Variants in SCHIP1 observed in about 807,000 individuals in gnomAD.
SCHIP1 encodes the protein schwannomin-interacting protein 1.
SCHIP1 carries 8 observed loss-of-function variants against 29.7 expected under a neutral mutation model. The ratio of observed to expected loss-of-function variants is 0.27; its 90% CI spans 0.16 to 0.49. SCHIP1 has a LOEUF of 0.49. Among genes scored for constraint, SCHIP1 ranks in the 20% least tolerant of loss-of-function variants. The pLI is 0.99. For missense variants in SCHIP1, 193 were observed against 294.6 expected, an observed-to-expected ratio of 0.66 and a Z score of 2.52; for synonymous variants, 76 against 94.9, an observed-to-expected ratio of 0.80 and a Z score of 1.16.
At chr3:159,792,274 G>A in the SCHIP1 span, among the ~76,000 whole-genome samples, 19 of 152,180 alleles carry the variant, frequency 1.2e-4, no homozygotes, top group Admixed American at 7.9e-4. Context: ...AGACTCAGGC[G>A]GTGTGGAAGA....
the SCHIP1 span, among the ~76,000 whole-genome samples, chr3:159,621,158 G>A: frequency 2.6e-5 from 4 of 152,256 alleles, no homozygotes; most frequent in East Asian, 1.9e-4. Flanking sequence ...GTGTGCTCCC[G>A]TGTTCACCTA....
chr3:159,871,079 C>T (rs940790766), intron 2 of SCHIP1, among the ~76,000 whole-genome samples: 1 of 151,946 alleles, frequency 6.6e-6, no homozygotes, highest in African/African-American at 2.4e-5. Context: ...ATGATGTTTT[C>T]TCATTTCTCT....
chr3:159,377,494 G>T, the SCHIP1 span, among the ~76,000 whole-genome samples: 9 of 152,312 alleles, frequency 5.9e-5, 1 homozygote, highest in African/African-American at 2.2e-4. Context: ...AGAGGCCATG[G>T]AGAATCTATT....
the SCHIP1 span, among the ~76,000 whole-genome samples, chr3:159,632,260 C>CT: frequency 6.6e-6 from 1 of 152,186 alleles, no homozygotes; most frequent in African/African-American, 2.4e-5. Context: ...TAGCTCTGCG[C>CT]TGCAGCCCCA....
the SCHIP1 span, among the ~76,000 whole-genome samples, chr3:159,467,691 G>A: frequency 2.6e-5 from 4 of 152,032 alleles, no homozygotes; most frequent in Non-Finnish European, 5.9e-5. Flanking sequence ...ATCAAATTGA[G>A]GTGTTTTTAT....
the SCHIP1 span, among the ~76,000 whole-genome samples, chr3:159,600,497 T>C: frequency 6.6e-6 from 1 of 152,216 alleles, no homozygotes; most frequent in South Asian, 2.1e-4. Flanking sequence ...CAAATGTATT[T>C]TGCATTTCCT....
At chr3:159,393,087 G>C in the SCHIP1 span, among the ~76,000 whole-genome samples, 2 of 152,180 alleles carry the variant, frequency 1.3e-5, no homozygotes, top group Admixed American at 6.5e-5. Context: ...TTTTTCATGT[G>C]TCTTTTGGCT....
the SCHIP1 span, among the ~76,000 whole-genome samples, chr3:159,388,215 C>T: frequency 6.6e-6 from 1 of 152,076 alleles, no homozygotes; most frequent in East Asian, 1.9e-4. Flanking sequence ...AGACTATCAA[C>T]TGCAAAACTT....
chr3:159,276,363 A>G, the SCHIP1 span, among the ~76,000 whole-genome samples: 3 of 152,174 alleles, frequency 2.0e-5, no homozygotes, highest in Non-Finnish European at 2.9e-5. Flanking sequence ...ATGCTGATTG[A>G]TTCCAAATGG....
chr3:159,726,246 G>A, the SCHIP1 span, among the ~76,000 whole-genome samples: 1 of 152,170 alleles, frequency 6.6e-6, no homozygotes, highest in Admixed American at 6.5e-5. Flanking sequence ...AAAATCAACT[G>A]TTAGTAGGAC....
the SCHIP1 span, among the ~76,000 whole-genome samples, chr3:159,301,318 A>G: frequency 0.021 from 3,134 of 152,274 alleles, 99 homozygotes; most frequent in African/African-American, 0.071. Flanking sequence ...CCATGCTCCT[A>G]ACTGTTACTC....
the SCHIP1 span, among the ~76,000 whole-genome samples, chr3:159,433,572 A>G: frequency 6.6e-6 from 1 of 152,192 alleles, no homozygotes; most frequent in East Asian, 1.9e-4. Flanking sequence ...TGATTAAAAT[A>G]TGGTCTTTGG....
At chr3:159,885,710 TAAAGA>T (rs1243365569) in intron 2 of SCHIP1, among the ~76,000 whole-genome samples, 2 of 152,234 alleles carry the variant, frequency 1.3e-5, no homozygotes. Flanking sequence ...GCAACTGCCT[TAAAGA>T]TTTCCTTCAG....
chr3:159,795,753 C>T, the SCHIP1 span, among the ~76,000 whole-genome samples: 1 of 152,082 alleles, frequency 6.6e-6, no homozygotes, highest in Non-Finnish European at 1.5e-5. Flanking sequence ...GGAGATATTC[C>T]AGGCAGAGGG....
At chr3:159,465,315 T>TTGTGTGTG in the SCHIP1 span, among the ~76,000 whole-genome samples, 2 of 148,276 alleles carry the variant, frequency 1.3e-5, no homozygotes, top group African/African-American at 4.9e-5. Flanking sequence ...ATGTGTATGA[T>TTGTGTGTG]TGTGTGTGTG....
chr3:159,705,799 C>T, the SCHIP1 span, among the ~76,000 whole-genome samples: 190 of 152,146 alleles, frequency 1.2e-3, no homozygotes, highest in African/African-American at 4.5e-3. Flanking sequence ...CTCCGCCTCC[C>T]GGGTTCAAGC....
At chr3:159,764,707 C>G in the SCHIP1 span, 2 of 1,575,824 alleles carry the variant, frequency 1.3e-6, no homozygotes, top group Non-Finnish European at 8.6e-7. This position sits in a 1 kb window ranked among gnomAD's most constrained non-coding sequence, Gnocchi z 6.1. Flanking sequence ...GCGCGACCAG[C>G]GAGGGTACCG....
the SCHIP1 span, among the ~76,000 whole-genome samples, chr3:159,292,377 C>T: frequency 6.6e-6 from 1 of 152,230 alleles, no homozygotes; most frequent in Non-Finnish European, 1.5e-5. Flanking sequence ...GAATTTATAG[C>T]TTGGTGAAGT....
At chr3:159,697,733 A>G in the SCHIP1 span, among the ~76,000 whole-genome samples, 4 of 152,174 alleles carry the variant, frequency 2.6e-5, no homozygotes, top group African/African-American at 9.7e-5. Flanking sequence ...TTTTTAGAAA[A>G]GTGATATTGA....
Sources: gnomAD v4.1 joint callset for allele counts (sites outside exome capture counted in the v4.1 genomes callset) on GRCh38, gnomAD v4.1.1 for gene constraint, Gnocchi (gnomAD v3.1) non-coding constraint, MANE v1.5 for transcripts, NCBI Gene and HGNC (gene_info 2026-07-23, HGNC 2026-07-21) for gene names.